Variants in TTC28 observed in about 807,000 individuals in gnomAD.
TTC28 encodes the protein tetratricopeptide repeat protein 28.
A neutral mutation model predicts 198.0 loss-of-function variants in TTC28; 61 were observed. The observed-to-expected ratio is 0.31, with a 90% CI of 0.25 to 0.38. TTC28 has a LOEUF of 0.38. Among genes scored for constraint, TTC28 ranks in the 10% least tolerant of loss-of-function variants. TTC28 has a pLI of 1.00. For missense variants in TTC28, 2,678 were observed against 3,164.0 expected (o/e 0.85, Z 3.69); for synonymous variants, 1,171 against 1,297.8 (o/e 0.90, Z 2.10).
chr22:28,160,179 T>G (rs1240503285), intron 6 of TTC28, among the ~76,000 whole-genome samples: 2 of 152,190 alleles, frequency 1.3e-5, no homozygotes, highest in African/African-American at 4.8e-5. Context: ...CAATGGAAAC[T>G]TAATTGTACA....
chr22:28,194,460 T>TA (rs1375634681), intron 5 of TTC28, among the ~76,000 whole-genome samples: 2 of 135,036 alleles, frequency 1.5e-5, no homozygotes, highest in African/African-American at 5.1e-5. Context: ...AATAGAGACA[T>TA]AAAAAACCCT....
chr22:28,322,890 T>C (rs1782330963), intron 2 of TTC28, among the ~76,000 whole-genome samples: 2 of 152,170 alleles, frequency 1.3e-5, no homozygotes, highest in African/African-American at 2.4e-5. Flanking sequence ...AGAATCTAGC[T>C]GCATTCCTTG....
intron 2 of TTC28, among the ~76,000 whole-genome samples, chr22:28,353,661 A>C (rs1239171974): frequency 6.6e-6 from 1 of 152,244 alleles, no homozygotes; most frequent in Non-Finnish European, 1.5e-5. Context: ...AAAAGAATGA[A>C]GGTGGACCCT....
intron 5 of TTC28, among the ~76,000 whole-genome samples, chr22:28,269,564 T>C (rs1931914632): frequency 6.6e-6 from 1 of 152,190 alleles, no homozygotes; most frequent in Non-Finnish European, 1.5e-5. Context: ...ATAATGTGAA[T>C]AAAACCCTGC....
chr22:28,283,859 T>C (rs1238806316), intron 5 of TTC28, among the ~76,000 whole-genome samples: 1 of 152,156 alleles, frequency 6.6e-6, no homozygotes, highest in Non-Finnish European at 1.5e-5. Flanking sequence ...GGAAGTATCC[T>C]TATTGAATGT....
chr22:28,104,144 T>C (rs1293435163), intron 8 of TTC28, among the ~76,000 whole-genome samples: 4 of 152,182 alleles, frequency 2.6e-5, no homozygotes, highest in Admixed American at 2.6e-4. Flanking sequence ...CTCTCCTGGC[T>C]TCCCAGTGGG....
chr22:28,579,989 C>T (rs1372546357), intron 2 of TTC28, among the ~76,000 whole-genome samples: 1 of 150,974 alleles, frequency 6.6e-6, no homozygotes, highest in African/African-American at 2.4e-5. Context: ...AAAAATTATA[C>T]ACACACACAC....
At chr22:28,209,777 T>C (rs1180562427) in intron 5 of TTC28, among the ~76,000 whole-genome samples, 1 of 152,174 alleles carries the variant, frequency 6.6e-6, no homozygotes, top group African/African-American at 2.4e-5. Flanking sequence ...TCTGACACTT[T>C]GAAGAGAGTA....
At chr22:28,583,374 T>C (rs1488981193) in intron 2 of TTC28, among the ~76,000 whole-genome samples, 1 of 152,198 alleles carries the variant, frequency 6.6e-6, no homozygotes, top group Non-Finnish European at 1.5e-5. Flanking sequence ...ACTGGGACAG[T>C]AGAATTCCTG....
intron 1 of TTC28, among the ~76,000 whole-genome samples, chr22:28,640,445 T>G (rs1413107722): frequency 2.0e-5 from 3 of 151,742 alleles, no homozygotes; most frequent in Non-Finnish European, 4.4e-5. Context: ...GACCAAGAAT[T>G]TTCTAAAACT....
rs2051281689 is a variant in TTC28 at position 28,636,888 on chromosome 22, T to C, written c.103-7058A>G. On this transcript the variant is annotated intron_variant, in intron 1 of 22. Transcript: ENST00000397906. Reference sequence around the variant, plus strand: ...AAATTTTTAGTTTGATGTAGTCCCATCAGCTTTTTTTGCCTAGTTTTTTGG... The same window carrying C: ...AAATTTTTAGTTTGATGTAGTCCCACCAGCTTTTTTTGCCTAGTTTTTTGG... 7.2e-5 allele frequency among the ~76,000 whole-genome samples: 11 copies of C among 152,206 alleles called. No individual in the cohort carries two copies. The South Asian group carries it at 2.3e-3, about 32-fold the overall frequency.
intron 2 of TTC28, among the ~76,000 whole-genome samples, chr22:28,516,671 G>A (rs1006172692): frequency 2.1e-4 from 32 of 151,990 alleles, no homozygotes; most frequent in Admixed American, 2.6e-4. Context: ...ATGATTAGTC[G>A]ATGGGTGCAG....
chr22:28,087,645 C>T (rs1402773041), intron 12 of TTC28, among the ~76,000 whole-genome samples: 3 of 152,086 alleles, frequency 2.0e-5, no homozygotes, highest in Non-Finnish European at 2.9e-5. Context: ...CAACACAGTG[C>T]TGGAAGTTCT....
At chr22:28,001,337 C>T (rs1200462851) in intron 15 of TTC28, 37 bp downstream of exon 15, 1 of 1,526,434 alleles carries the variant, frequency 6.6e-7, no homozygotes, top group Non-Finnish European at 8.9e-7. Flanking sequence ...GACCCGAAAA[C>T]AAGCCCCCGG....
chr22:28,445,496 G>A lies in TTC28; in HGVS notation c.382-138853C>T, dbSNP rs1424055806. 3.9e-5 allele frequency among the ~76,000 whole-genome samples: 6 copies of A among 152,302 alleles called. No individual in the cohort carries two copies. In the East Asian group the frequency reaches 1.2e-3, roughly 29 times the overall value. The stretch of plus-strand genomic sequence containing the variant: ...TTCAGAGGAGACACAGCTTAGTCTG[G>A]AGCCAAAAGCCAAGGTTCTTACCAT... On this transcript the variant is annotated intron_variant, in intron 2 of 22. Coordinates refer to ENST00000397906, the MANE Select transcript of TTC28 (RefSeq NM_001145418.2).
At chr22:28,372,607 G>C (rs2046355279) in intron 2 of TTC28, among the ~76,000 whole-genome samples, 1 of 149,272 alleles carries the variant, frequency 6.7e-6, no homozygotes. Context: ...TACGCTCTTT[G>C]TTCTACACAC....
chr22:28,363,757 G>T (rs2046197272), intron 2 of TTC28, among the ~76,000 whole-genome samples: 1 of 152,226 alleles, frequency 6.6e-6, no homozygotes, highest in Non-Finnish European at 1.5e-5. Context: ...AGTCAAAGGA[G>T]ATCATTTTGG....
At chr22:28,144,373 T>A (rs1423763197) in intron 6 of TTC28, among the ~76,000 whole-genome samples, 3 of 152,260 alleles carry the variant, frequency 2.0e-5, no homozygotes, top group African/African-American at 7.2e-5. Context: ...TAGTGGAAGA[T>A]GGTTTGGAAA....
At position 27,978,791 on chromosome 22, in the gene TTC28, TAAG is replaced by T. The variant is rs777909930; in HGVS notation, c.*3427_*3429del. ...AGTTGAGTCATTTACTGGAGAGAAT[TAAG>T]AAAGCTTTGACTCCCTTGCTCTGTG... On this transcript the variant is annotated 3_prime_UTR_variant, in exon 23 of 23. Coordinates refer to ENST00000397906, the MANE Select transcript of TTC28 (RefSeq NM_001145418.2). 4 of 152,238 alleles carry T rather than the reference TAAG, an allele frequency of 2.6e-5. No individual in the cohort carries two copies. The East Asian group carries it at 7.7e-4, about 29-fold the overall frequency. The allele number at this position is 152,238 out of a possible 1,614,324, so 9.4% of individuals were successfully genotyped here.
Sources: allele counts gnomAD v4.1 joint callset (sites outside exome capture counted in the v4.1 genomes callset), GRCh38; gene constraint gnomAD v4.1.1; transcripts MANE v1.5; gene names NCBI Gene and HGNC (gene_info 2026-07-23, HGNC 2026-07-21).